Variants in BICC1 observed in about 807,000 individuals in gnomAD.
BICC1 encodes BicC family RNA binding protein 1.
BICC1 carries 43 observed loss-of-function variants against 111.0 expected under a neutral mutation model. The ratio of observed to expected loss-of-function variants is 0.39; its 90% CI spans 0.30 to 0.50. The LOEUF is 0.50. Among genes scored for constraint, BICC1 ranks in the 20% least tolerant of loss-of-function variants. The pLI is 0.88. For missense variants in BICC1, 1,091 were observed against 1,203.2 expected (o/e 0.91, Z 1.38); for synonymous variants, 467 against 434.4 (o/e 1.07, Z -0.93).
intron 3 of BICC1, among the ~76,000 whole-genome samples, chr10:58,757,474 A>G (rs1209838118): frequency 6.6e-6 from 1 of 152,140 alleles, no homozygotes; most frequent in Non-Finnish European, 1.5e-5. Flanking sequence ...TGAGACTAGC[A>G]TTTAAGAATG....
intron 2 of BICC1, among the ~76,000 whole-genome samples, chr10:58,675,244 T>G (rs896798766): frequency 4.6e-5 from 7 of 152,110 alleles, no homozygotes; most frequent in Admixed American, 6.6e-5. Context: ...AAGACCTGGT[T>G]TGGAAGGAGT....
chr10:58,828,800 A>G lies in BICC1; in HGVS notation c.2834A>G (p.Asn945Ser), dbSNP rs7895817. ...CGAAGAAAGCTTTTTGAATCGCCAA[A>G]TGCACGCACCTCTTTCCTGGAAGGT... Reference protein sequence around the residue: ...KNRRKLFESPNARTSFLEGGA... With the variant: ...KNRRKLFESPSARTSFLEGGA... The change falls in exon 21 of 21, where the codon AAT becomes AGT. Residue 945 changes from asparagine to serine, a missense_variant. Physicochemically the swap from Asn to Ser is conservative, Grantham distance 46. Coordinates refer to ENST00000373886, the MANE Select transcript of BICC1 (RefSeq NM_001080512.3). The G allele has an allele frequency of 3.7e-3, 5,913 of 1,613,790 alleles. 161 individuals are homozygous for G. In the African/African-American group the frequency reaches 0.062, roughly 17 times the overall value.
At chr10:58,711,607 T>C (rs1044851525) in intron 3 of BICC1, among the ~76,000 whole-genome samples, 1 of 152,182 alleles carries the variant, frequency 6.6e-6, no homozygotes, top group South Asian at 2.1e-4. Flanking sequence ...TTTCTTGATC[T>C]CCAGCTAGTT....
At chr10:58,518,599 G>T (rs1186720041) in intron 1 of BICC1, among the ~76,000 whole-genome samples, 2 of 139,692 alleles carry the variant, frequency 1.4e-5, no homozygotes, top group African/African-American at 2.6e-5. Flanking sequence ...TTGGGGGGGG[G>T]GGGGTGTGTT....
chr10:58,528,219 T>C (rs955849989), intron 1 of BICC1, among the ~76,000 whole-genome samples: 4 of 151,864 alleles, frequency 2.6e-5, no homozygotes, highest in Admixed American at 2.6e-4. Context: ...GCCAAACAGT[T>C]CTGCCTTACC....
At chr10:58,819,759 T>C (rs1393808383) in intron 19 of BICC1, among the ~76,000 whole-genome samples, 2 of 152,172 alleles carry the variant, frequency 1.3e-5, no homozygotes, top group African/African-American at 4.8e-5. Flanking sequence ...GTTGTCTTTC[T>C]CTTCTTACAC....
At chr10:58,732,381 A>G (rs1317184819) in intron 3 of BICC1, among the ~76,000 whole-genome samples, 23 of 274 alleles carry the variant, frequency 0.084, no homozygotes, top group African/African-American at 0.26. Flanking sequence ...GTGTGTATGT[A>G]TATATATATA....
At chr10:58,697,728 C>G (rs1199058956) in intron 2 of BICC1, among the ~76,000 whole-genome samples, 2 of 152,186 alleles carry the variant, frequency 1.3e-5, no homozygotes, top group African/African-American at 4.8e-5. Context: ...ATGCCACTTG[C>G]AGGAGATGTG....
intron 2 of BICC1, among the ~76,000 whole-genome samples, chr10:58,652,405 TAAATCTGAACATATA>T (rs1838478823): frequency 6.6e-6 from 1 of 152,126 alleles, no homozygotes; most frequent in African/African-American, 2.4e-5. Context: ...CTTTTGCTCG[TAAATCTGAACATATA>T]ATAGTAATTT....
intron 1 of BICC1, among the ~76,000 whole-genome samples, chr10:58,571,040 G>C (rs2131980647): frequency 6.6e-6 from 1 of 152,218 alleles, no homozygotes; most frequent in Non-Finnish European, 1.5e-5. Flanking sequence ...TACCATTGCT[G>C]TGTATCCAGT....
chr10:58,559,280 G>A (rs1279888389), intron 1 of BICC1, among the ~76,000 whole-genome samples: 1 of 150,964 alleles, frequency 6.6e-6, no homozygotes, highest in Non-Finnish European at 1.5e-5. Flanking sequence ...TTACAGAACT[G>A]AAAAATGGTA....
intron 8 of BICC1, among the ~76,000 whole-genome samples, chr10:58,793,039 G>T (rs1213422698): frequency 6.6e-6 from 1 of 152,078 alleles, no homozygotes; most frequent in Non-Finnish European, 1.5e-5. Flanking sequence ...AGCAAGTCTG[G>T]GCTAAAATGT....
At chr10:58,601,140 T>TAATATACATATATATATA (rs1554810885) in intron 1 of BICC1, among the ~76,000 whole-genome samples, 1 of 100,672 alleles carries the variant, frequency 9.9e-6, no homozygotes, top group Non-Finnish European at 2.0e-5. Flanking sequence ...ATTTTAAAAC[T>TAATATACATATATATATA]TATATATATA....
chr10:58,592,735 G>A (rs897447272), intron 1 of BICC1, among the ~76,000 whole-genome samples: 1 of 150,856 alleles, frequency 6.6e-6, no homozygotes, highest in Admixed American at 6.6e-5. Flanking sequence ...AAAATAGCTG[G>A]GCCTGTTGGC....
intron 1 of BICC1, among the ~76,000 whole-genome samples, chr10:58,558,247 C>T (rs1843508341): frequency 6.6e-6 from 1 of 152,064 alleles, no homozygotes; most frequent in Non-Finnish European, 1.5e-5. Context: ...CGGTACTCAG[C>T]TGCACACTCA....
chr10:58,739,249 G>A (rs9416739), intron 3 of BICC1, among the ~76,000 whole-genome samples: 150,987 of 152,258 alleles, frequency 0.99, 74,873 homozygotes, highest in South Asian at 1. Flanking sequence ...ATTTTGAGAT[G>A]CGTCCCATCA....
At chr10:58,819,063 G>A (rs555028666) in intron 19 of BICC1, among the ~76,000 whole-genome samples, 4 of 152,148 alleles carry the variant, frequency 2.6e-5, no homozygotes, top group African/African-American at 9.6e-5. Flanking sequence ...ACTGTGGTCT[G>A]TAGGCCAACT....
intron 1 of BICC1, among the ~76,000 whole-genome samples, chr10:58,599,029 A>G (rs1257898759): frequency 6.6e-6 from 1 of 152,016 alleles, no homozygotes; most frequent in Non-Finnish European, 1.5e-5. Context: ...ATGTGGAGAA[A>G]TAACCCTTTT....
intron 3 of BICC1, among the ~76,000 whole-genome samples, 178 bp downstream of exon 3, chr10:58,702,321 A>T (rs1046771016): frequency 6.6e-6 from 1 of 152,230 alleles, no homozygotes; most frequent in Non-Finnish European, 1.5e-5. Context: ...TTATCCAACA[A>T]CAGAAAAATA....
Sources: gnomAD v4.1 joint callset for allele counts (sites outside exome capture counted in the v4.1 genomes callset) on GRCh38, gnomAD v4.1.1 for gene constraint, MANE v1.5 for transcripts, NCBI Gene and HGNC (gene_info 2026-07-23, HGNC 2026-07-21) for gene names.